Variants in CACNA1I observed in about 807,000 individuals in gnomAD.
The protein encoded by CACNA1I is voltage-dependent T-type calcium channel subunit alpha-1I.
CACNA1I carries 74 observed loss-of-function variants against 201.6 expected under a neutral mutation model. The ratio of observed to expected loss-of-function variants is 0.37; its 90% CI spans 0.30 to 0.45. The LOEUF (loss-of-function observed/expected upper bound fraction) is 0.45, where lower values mean the gene tolerates loss of function less well. CACNA1I is among the 20% of genes least tolerant of loss of function. The pLI, the probability that CACNA1I is intolerant of heterozygous loss-of-function variation, is 1.00. For synonymous variants in CACNA1I, 1,431 were observed against 1,345.2 expected, an observed-to-expected ratio of 1.06 and a Z score of -1.40; for missense variants, 2,346 against 3,138.1, an observed-to-expected ratio of 0.75 and a Z score of 6.03.
At position 39,666,902 on chromosome 22, in the gene CACNA1I, G is replaced by T. The variant is rs1191335820; in HGVS notation, c.4104+896G>T. Among the ~76,000 whole-genome samples the T allele has an allele frequency of 6.6e-6, 1 of 152,218 alleles. No individual in the cohort carries two copies. Among genetic ancestry groups the T allele is most frequent in the East Asian group, 1.9e-4 (1 of 5,178 alleles). On this transcript the variant is annotated intron_variant, in intron 23 of 36. Transcript: ENST00000402142. This position sits in a 1 kb window ranked among gnomAD's most constrained non-coding sequence, Gnocchi z 4.1. ...TGGGGAAAAGATGTCTTAGGAAGTT[G>T]AGGGGGAACCAGCCAGCGGCCTTTT...
chr22:39,682,730 C>T, intron 35 of CACNA1I, 69 bp downstream of exon 35: 1 of 1,404,882 alleles, frequency 7.1e-7, no homozygotes, highest in Non-Finnish European at 9.7e-7. Flanking sequence ...AGGGAGATGG[C>T]TGAGTTTTTT....
At position 39,649,758 on chromosome 22, in the gene CACNA1I, G is replaced by T; in HGVS notation, c.1825G>T (p.Glu609Ter). The T allele has an allele frequency of 6.3e-7, 1 of 1,593,948 alleles. No homozygotes were observed. The highest frequency in any genetic ancestry group is 8.5e-7 in the Non-Finnish European group (1 of 1,170,090). ...AGCCTCCTCAGAACTGGGGAAGGAG[G>T]AGGAGGAGGAGGAGCAGGCGGATGG... ...DGASSELGKE[E>*]EEEEQADGAV... Residue 609 changes from glutamate to a stop codon, truncating the protein, a stop_gained, in exon 10 of 37, where the codon GAG becomes TAG. Transcript: ENST00000402142. LOFTEE classifies it high-confidence loss of function. This position sits in a 1 kb window ranked among gnomAD's most constrained non-coding sequence, Gnocchi z 7.3.
At position 39,659,225 on chromosome 22, in the gene CACNA1I, G is replaced by T; in HGVS notation, c.2330+109G>T. ...CTCTGGACAAAGCCACCTGGACCTGGGTGTGAAGCCTGACACTGTTCCTCA... is the reference window on the plus strand; with the variant it reads ...CTCTGGACAAAGCCACCTGGACCTGTGTGTGAAGCCTGACACTGTTCCTCA... On this transcript the variant is annotated intron_variant, in intron 12 of 36. Coordinates refer to ENST00000402142, the MANE Select transcript of CACNA1I (RefSeq NM_021096.4). The surrounding 1 kb of genome is among the most constrained non-coding windows in gnomAD (Gnocchi z 4.3). The T allele has an allele frequency of 7.4e-7, 1 of 1,358,294 alleles. No individual in the cohort carries two copies. Among genetic ancestry groups the T allele is most frequent in the Non-Finnish European group, 1.0e-6 (1 of 985,528 alleles). 84.1% of individuals were successfully genotyped at this position (1,358,294 alleles called of 1,614,324 possible). A position where few individuals can be genotyped will look rare whatever the true frequency, so the allele number is the denominator to read the frequency against.
chr22:39,626,358 G>A (rs1933900587), intron 4 of CACNA1I, among the ~76,000 whole-genome samples: 1 of 152,238 alleles, frequency 6.6e-6, no homozygotes, highest in African/African-American at 2.4e-5. Flanking sequence ...ATAAGGTGCT[G>A]GGAGTAGTGA....
rs368226819 is a variant in CACNA1I at position 39,663,982 on chromosome 22, C to T, written c.3598-109C>T. ...TTGGGGCGGGGAAAGCCTCCGTGAA[C>T]TGAGAGGTGGCAGCCTCTCCTCTAC... On this transcript the variant is annotated intron_variant, in intron 19 of 36. Coordinates refer to ENST00000402142, the MANE Select transcript of CACNA1I (RefSeq NM_021096.4). 46 of 1,506,670 alleles carry T rather than the reference C, an allele frequency of 3.1e-5. 1 individual carries two copies. Among genetic ancestry groups the T allele is most frequent in the Non-Finnish European group, 2.5e-5 (27 of 1,088,488 alleles). The allele number at this position is 1,506,670 out of a possible 1,614,324, so 93.3% of individuals were successfully genotyped here.
chr22:39,597,949 G>T (rs543963024), intron 1 of CACNA1I, among the ~76,000 whole-genome samples: 5 of 152,300 alleles, frequency 3.3e-5, no homozygotes, highest in Admixed American at 2.0e-4. Flanking sequence ...TGGGTTTGGC[G>T]CATATGGCCA....
intron 1 of CACNA1I, among the ~76,000 whole-genome samples, chr22:39,597,829 C>T (rs5757743): frequency 0.89 from 135,443 of 152,196 alleles, 60,412 homozygotes; most frequent in South Asian, 0.93. Flanking sequence ...GAGGCTGGGA[C>T]AGCCCAGAGT....
intron 17 of CACNA1I, 65 bp downstream of exon 17, chr22:39,662,500 C>A: frequency 8.1e-7 from 1 of 1,236,538 alleles, no homozygotes; most frequent in South Asian, 1.7e-5. Flanking sequence ...GGTGCGGCCC[C>A]AGGAGGCGGG....
rs1242284108 is a variant in CACNA1I at position 39,647,857 on chromosome 22, C to T, written c.1498C>T (p.His500Tyr). The change falls in exon 9 of 37, where the codon CAT becomes TAT. Residue 500 changes from histidine (H) to tyrosine (Y), a missense_variant. His to Tyr is a moderately conservative substitution (Grantham distance 83). Coordinates refer to ENST00000402142, the MANE Select transcript of CACNA1I (RefSeq NM_021096.4). Reference sequence around the variant, plus strand: ...TAAGGGTCAGGGAGATGAAGGGAGACATCTCGGAAGCCGGCATTGCCAGAC... The same window carrying T: ...TAAGGGTCAGGGAGATGAAGGGAGATATCTCGGAAGCCGGCATTGCCAGAC... ...KTKGQGDEGR[H>Y]LGSRHCQTLH... 25 of 1,612,990 alleles carry T rather than the reference C, an allele frequency of 1.5e-5. No homozygotes were observed. The highest frequency in any genetic ancestry group is 2.0e-5 in the Non-Finnish European group (24 of 1,179,320).
intron 1 of CACNA1I, among the ~76,000 whole-genome samples, chr22:39,590,848 T>C (rs1012211735): frequency 2.6e-5 from 4 of 152,138 alleles, no homozygotes; most frequent in African/African-American, 9.7e-5. Context: ...CAGATTCTTT[T>C]TGATTTTTAT....
chr22:39,595,112 A>G (rs1175463054), intron 1 of CACNA1I, among the ~76,000 whole-genome samples: 1 of 151,410 alleles, frequency 6.6e-6, no homozygotes, highest in African/African-American at 2.4e-5. Flanking sequence ...ACATGGTGAA[A>G]CCCTATCTCT....
intron 6 of CACNA1I, among the ~76,000 whole-genome samples, chr22:39,642,224 G>A (rs905560772): frequency 3.3e-5 from 5 of 152,326 alleles, no homozygotes; most frequent in African/African-American, 4.8e-5. Flanking sequence ...TGCCCAGGAG[G>A]GTGGGTGGCC....
At chr22:39,672,891 C>T (rs1042865029) in intron 27 of CACNA1I, 58 bp from the exon 28 acceptor site, 19 of 1,555,168 alleles carry the variant, frequency 1.2e-5, no homozygotes, top group Non-Finnish European at 1.7e-5. Context: ...TAAGGTGTGT[C>T]TGAACCAGAG....
intron 2 of CACNA1I, 137 bp downstream of exon 2, chr22:39,598,399 T>C: frequency 1.6e-6 from 1 of 623,276 alleles, no homozygotes; most frequent in Non-Finnish European, 2.9e-6. Context: ...TCCGTGCCCT[T>C]CCCCATCCTG....
chr22:39,631,320 C>G (rs1243254012), intron 4 of CACNA1I, among the ~76,000 whole-genome samples: 2 of 152,332 alleles, frequency 1.3e-5, no homozygotes, highest in Admixed American at 1.3e-4. Flanking sequence ...CTCCAGGGTC[C>G]TCTTCCCCTT....
In CACNA1I at chr22:39,685,674, C is replaced by T. The variant is rs900611791; in HGVS notation, c.6028-87C>T. 42 of 1,149,594 alleles carry T rather than the reference C, an allele frequency of 3.7e-5. No homozygotes were observed. The highest frequency in any genetic ancestry group is 1.6e-4 in the Admixed American group (4 of 24,600). 71.2% of individuals were successfully genotyped at this position (1,149,594 alleles called of 1,614,324 possible). The stretch of plus-strand genomic sequence containing the variant: ...GAGCTCCTTGGATGGGGTCTGCCTG[C>T]TGCCTGCTGTGCGGGGGAGGGCGGC... On this transcript the variant is annotated intron_variant, in intron 36 of 36. Coordinates refer to ENST00000402142, the MANE Select transcript of CACNA1I (RefSeq NM_021096.4). This position sits in a 1 kb window ranked among gnomAD's most constrained non-coding sequence, Gnocchi z 5.0.
chr22:39,610,153 CA>C (rs1216950564), intron 3 of CACNA1I, among the ~76,000 whole-genome samples: 1 of 152,196 alleles, frequency 6.6e-6, no homozygotes, highest in African/African-American at 2.4e-5. Flanking sequence ...ATTGACTTTA[CA>C]CTCTGATCTA....
At chr22:39,656,597 C>T (rs945248281) in intron 10 of CACNA1I, 15 of 517,856 alleles carry the variant, frequency 2.9e-5, no homozygotes, top group African/African-American at 1.3e-4. Context: ...CCTGGTAGCT[C>T]GAGCCCAGCA....
intron 29 of CACNA1I, among the ~76,000 whole-genome samples, chr22:39,675,444 A>G (rs1935489942): frequency 6.6e-6 from 1 of 152,046 alleles, no homozygotes; most frequent in South Asian, 2.1e-4. Context: ...TGGAGCTGGC[A>G]TGGGGCACGG....
Sources: gnomAD v4.1 joint callset for allele counts (sites outside exome capture counted in the v4.1 genomes callset) on GRCh38, gnomAD v4.1.1 for gene constraint, Gnocchi (gnomAD v3.1) non-coding constraint, MANE v1.5 for transcripts, NCBI Gene and HGNC (gene_info 2026-07-23, HGNC 2026-07-21) for gene names.